The following BANP variants were observed in gnomAD, a reference collection of about 807,000 sequenced individuals.
BANP encodes protein BANP.
Under a neutral mutation model 68.1 loss-of-function variants are expected in BANP, and 11 were observed. The ratio of observed to expected loss-of-function variants is 0.16; its 90% confidence interval spans 0.10 to 0.27. The LOEUF (loss-of-function observed/expected upper bound fraction) is 0.27, where lower values mean the gene tolerates loss of function less well. BANP is among the 10% of genes least tolerant of loss of function. The pLI is 1.00. For synonymous variants in BANP, 329 were observed against 303.2 expected (o/e 1.09, Z -0.88); for missense variants, 504 against 722.7 (o/e 0.70, Z 3.47).
chr16:88,009,746 G>A (rs1361499340), intron 6 of BANP, among the ~76,000 whole-genome samples: 1 of 151,676 alleles, frequency 6.6e-6, no homozygotes, highest in Non-Finnish European at 1.5e-5. Context: ...GGGAACAGTA[G>A]ATTATGTCTC....
chr16:88,069,977 C>A (rs551463302), intron 12 of BANP, among the ~76,000 whole-genome samples: 1 of 152,326 alleles, frequency 6.6e-6, no homozygotes, highest in East Asian at 1.9e-4. Context: ...CAGCCCCAGT[C>A]AGCATGCGGA....
intron 11 of BANP, among the ~76,000 whole-genome samples, chr16:88,053,326 A>T (rs1161817812): frequency 2.6e-5 from 4 of 151,128 alleles, no homozygotes; most frequent in South Asian, 4.2e-4. Context: ...TACCACTGTC[A>T]TCTCCATCAT....
At chr16:88,040,086 G>C (rs1316412545) in intron 11 of BANP, among the ~76,000 whole-genome samples, 1 of 152,184 alleles carries the variant, frequency 6.6e-6, no homozygotes, top group Non-Finnish European at 1.5e-5. Flanking sequence ...GGCTTCAGGA[G>C]AGGCCGGTGC....
Position 88,036,704 on chromosome 16 carries a change from C to T in BANP, c.1273-1269C>T, listed in dbSNP as rs540125869. Among the ~76,000 whole-genome samples the T allele has an allele frequency of 3.0e-4, 45 of 152,180 alleles. 2 individuals carry two copies. Among genetic ancestry groups the T allele is most frequent in the African/African-American group, 9.9e-4 (41 of 41,500 alleles). On this transcript the variant is annotated intron_variant, in intron 10 of 13. Coordinates refer to ENST00000682872, the MANE Select transcript of BANP (RefSeq NM_001386991.1). The surrounding 1 kb of genome is among the most constrained non-coding windows in gnomAD (Gnocchi z 4.2). ...GGAATGAGTGGGCTCATCCACACAG[C>T]GACATGACCAGGTCACTAAGAAACG...
chr16:87,955,822 G>C (rs1180470165), intron 1 of BANP, among the ~76,000 whole-genome samples: 1 of 152,214 alleles, frequency 6.6e-6, no homozygotes, highest in Non-Finnish European at 1.5e-5. Context: ...TTCTCTGGCA[G>C]TGTTGCCAGA....
intron 9 of BANP, 145 bp downstream of exon 9, chr16:88,033,390 G>C: frequency 1.1e-6 from 1 of 883,082 alleles, no homozygotes; most frequent in South Asian, 2.9e-5. Flanking sequence ...ATTTAAAGTA[G>C]AGGTCATCGT....
chr16:88,021,097 G>A (rs1298125740), intron 7 of BANP, among the ~76,000 whole-genome samples: 1 of 152,210 alleles, frequency 6.6e-6, no homozygotes, highest in Non-Finnish European at 1.5e-5. Context: ...GGGTCTGGAG[G>A]CCGGAGAGGG....
chr16:88,040,500 C>T (rs1176788338), intron 11 of BANP, among the ~76,000 whole-genome samples: 1 of 150,170 alleles, frequency 6.7e-6, no homozygotes, highest in Non-Finnish European at 1.5e-5. Flanking sequence ...CCGAGCAGTG[C>T]GGGGGTCACA....
intron 6 of BANP, chr16:88,017,178 G>A (rs1209588793): frequency 6.6e-6 from 1 of 152,244 alleles, no homozygotes; most frequent in Non-Finnish European, 1.5e-5. Context: ...GCTCACAGAC[G>A]TTCTGAGGCA....
intron 11 of BANP, among the ~76,000 whole-genome samples, chr16:88,063,654 G>A (rs1442130634): frequency 6.6e-6 from 1 of 152,166 alleles, no homozygotes; most frequent in Admixed American, 6.5e-5. Context: ...AATGAGACTT[G>A]GGAAGCCGTG....
rs1306741649 is a variant in BANP at position 88,042,500 on chromosome 16, ATTG to A, written c.1311+4492_1311+4494del. Among the ~76,000 whole-genome samples, 7 of 152,234 alleles carry A rather than the reference ATTG, an allele frequency of 4.6e-5. No individual in the cohort carries two copies. The East Asian group carries it at 1.4e-3, about 29-fold the overall frequency. On this transcript the variant is annotated intron_variant, in intron 11 of 13. Coordinates refer to ENST00000682872, the MANE Select transcript of BANP (RefSeq NM_001386991.1). The stretch of plus-strand genomic sequence containing the variant: ...CCACTCCAGTGCTATCTCTGTCTTT[ATTG>A]TTCTTTTTGACCTCTAGGTGCACAT...
At chr16:88,072,265 C>G (rs148266591) in intron 13 of BANP, 53 bp downstream of exon 13, 2 of 1,555,252 alleles carry the variant, frequency 1.3e-6, no homozygotes, top group East Asian at 2.3e-5. Flanking sequence ...GGCCGCCTGC[C>G]GCTGCCACCG....
intron 11 of BANP, among the ~76,000 whole-genome samples, chr16:88,051,125 C>G (rs537428956): frequency 6.6e-6 from 1 of 152,250 alleles, no homozygotes; most frequent in Admixed American, 6.5e-5. Context: ...CCGCAGCACC[C>G]GGGTCCCTCC....
chr16:87,966,094 C>T (rs1278188502), intron 1 of BANP, among the ~76,000 whole-genome samples: 2 of 152,204 alleles, frequency 1.3e-5, no homozygotes, highest in Non-Finnish European at 1.5e-5. Flanking sequence ...ATTTGTATGC[C>T]TTCCTTTTGC....
chr16:87,977,660 G>A (rs1488931382), intron 2 of BANP, among the ~76,000 whole-genome samples: 1 of 152,206 alleles, frequency 6.6e-6, no homozygotes, highest in Non-Finnish European at 1.5e-5. Flanking sequence ...ACTGGTTGTA[G>A]CAGCTTTTAA....
chr16:88,060,388 G>A (rs1357401350), intron 11 of BANP, among the ~76,000 whole-genome samples: 2 of 152,196 alleles, frequency 1.3e-5, no homozygotes, highest in Non-Finnish European at 2.9e-5. Flanking sequence ...TAAAAGCCAC[G>A]TTTTTCCATC....
chr16:88,058,296 T>C (rs1043098712), intron 11 of BANP, among the ~76,000 whole-genome samples: 8 of 152,168 alleles, frequency 5.3e-5, no homozygotes, highest in Admixed American at 2.6e-4. Flanking sequence ...TTGGGATTTG[T>C]TGGGTTTCAC....
rs999757369 is a variant in BANP, at chr16:88,065,406, G to A, written c.1377+74G>A. On this transcript the variant is annotated intron_variant, in intron 12 of 13. Transcript: ENST00000682872. ...AGTCTCTGCTTTTAAAGACCCCCGC[G>A]ATGACACTGGGCCCACCTGGCCATC... The A allele has an allele frequency of 1.8e-5, 12 of 680,920 alleles. 1 individual carries two copies. The highest frequency in any genetic ancestry group is 2.7e-5 in the Non-Finnish European group (10 of 375,000). 42.2% of individuals were successfully genotyped at this position (680,920 alleles called of 1,614,324 possible).
At chr16:87,985,457 C>T (rs1391644204) in intron 4 of BANP, among the ~76,000 whole-genome samples, 5 of 152,056 alleles carry the variant, frequency 3.3e-5, no homozygotes, top group Non-Finnish European at 5.9e-5. Context: ...CTGTTGGGCT[C>T]CCAGGTCAGG....
Sources: allele counts gnomAD v4.1 joint callset (sites outside exome capture counted in the v4.1 genomes callset), GRCh38; gene constraint gnomAD v4.1.1; non-coding constraint Gnocchi (gnomAD v3.1); transcripts MANE v1.5; gene names NCBI Gene and HGNC (gene_info 2026-07-23, HGNC 2026-07-21).